The following GRIN3A variants were observed in gnomAD, a reference collection of about 807,000 sequenced individuals.
GRIN3A encodes glutamate receptor ionotropic, NMDA 3A.
Under a neutral mutation model 92.4 loss-of-function variants are expected in GRIN3A, and 47 were observed. The ratio of observed to expected loss-of-function variants is 0.51; its 90% CI spans 0.40 to 0.65. GRIN3A has a LOEUF of 0.65. Ranked by LOEUF, GRIN3A falls within the 30% of genes least tolerant of loss-of-function variation. GRIN3A has a pLI of 0.00. For synonymous variants in GRIN3A, 527 were observed against 540.6 expected (o/e 0.97, Z 0.35); for missense variants, 1,324 against 1,393.1 (o/e 0.95, Z 0.79).
chr9:101,727,095 T>G (rs1194776568), intron 1 of GRIN3A, among the ~76,000 whole-genome samples: 1 of 152,092 alleles, frequency 6.6e-6, no homozygotes, highest in African/African-American at 2.4e-5. Context: ...CTAAGATGAG[T>G]GTAGTAAAAT....
intron 5 of GRIN3A, among the ~76,000 whole-genome samples, chr9:101,614,042 A>G (rs913287956): frequency 6.6e-6 from 1 of 152,232 alleles, no homozygotes; most frequent in African/African-American, 2.4e-5. Context: ...GAACTAAAAT[A>G]TAAACAGGAA....
intron 6 of GRIN3A, among the ~76,000 whole-genome samples, chr9:101,602,331 CA>C (rs1828221900): frequency 6.6e-6 from 1 of 152,200 alleles, no homozygotes; most frequent in South Asian, 2.1e-4. Context: ...CAACTCGCAT[CA>C]ATAGCCACTA....
intron 3 of GRIN3A, among the ~76,000 whole-genome samples, chr9:101,657,838 G>A (rs1256938609): frequency 2.6e-5 from 4 of 151,968 alleles, no homozygotes; most frequent in Admixed American, 2.6e-4. Context: ...AGGGAGTAGT[G>A]ATGGTAATGG....
At chr9:101,582,918 G>C (rs571770666) in intron 6 of GRIN3A, among the ~76,000 whole-genome samples, 1 of 152,058 alleles carries the variant, frequency 6.6e-6, no homozygotes, top group Non-Finnish European at 1.5e-5. Context: ...CAAATAGGCC[G>C]TATTGTTTAT....
intron 1 of GRIN3A, among the ~76,000 whole-genome samples, chr9:101,708,347 A>G (rs1437046352): frequency 6.6e-6 from 1 of 152,174 alleles, no homozygotes; most frequent in Non-Finnish European, 1.5e-5. Flanking sequence ...TACGTCTTTT[A>G]TGTATCTTTT....
chr9:101,644,476 A>C (rs959653296), intron 3 of GRIN3A, among the ~76,000 whole-genome samples: 20 of 151,698 alleles, frequency 1.3e-4, no homozygotes, highest in Non-Finnish European at 2.5e-4. Flanking sequence ...AAAAAAAAAA[A>C]AACACAGTGT....
intron 1 of GRIN3A, among the ~76,000 whole-genome samples, chr9:101,692,374 CTT>C (rs1201668861): frequency 6.6e-6 from 1 of 152,146 alleles, no homozygotes; most frequent in Non-Finnish European, 1.5e-5. Context: ...CCTCATCAGT[CTT>C]TGTTCTCTCA....
At chr9:101,603,342 A>T (rs1298892719) in intron 6 of GRIN3A, among the ~76,000 whole-genome samples, 1 of 152,186 alleles carries the variant, frequency 6.6e-6, no homozygotes, top group East Asian at 1.9e-4. Context: ...TGGTTCTATA[A>T]TCAGGGAAGG....
At chr9:101,585,869 G>T (rs1827944773) in intron 6 of GRIN3A, among the ~76,000 whole-genome samples, 1 of 152,148 alleles carries the variant, frequency 6.6e-6, no homozygotes, top group African/African-American at 2.4e-5. Context: ...GTCTCTTGCG[G>T]AGTAAATTCA....
intron 3 of GRIN3A, among the ~76,000 whole-genome samples, chr9:101,647,604 G>A (rs12351434): frequency 0.089 from 13,470 of 151,884 alleles, 866 homozygotes; most frequent in East Asian, 0.22. Context: ...GTTGAATTCC[G>A]CAGTGAAATT....
At position 101,670,563 on chromosome 9, in the gene GRIN3A, C is replaced by G. The variant is rs774655417; in HGVS notation, c.1849G>C (p.Val617Leu). The change falls in exon 3 of 9, where the codon GTG becomes CTG. Residue 617 changes from valine to leucine, a missense_variant. Val to Leu is a conservative substitution (Grantham distance 32). Coordinates refer to ENST00000361820, the MANE Select transcript of GRIN3A (RefSeq NM_133445.3). The part of the protein sequence containing the change: ...AWKNGHWTGL[V>L]GDLLRGTAHM... ...GCAGTCCCTCTCAGGAGATCACCCA[C>G]TAGCCCAGTCCAGTGCCCATTTTTC... is the stretch of plus-strand genomic sequence containing the variant. 1.9e-6 allele frequency: 3 copies of G among 1,613,948 alleles called. No individual in the cohort carries two copies. The highest frequency in any genetic ancestry group is 1.1e-5 in the South Asian group (1 of 91,090).
rs944987548 is a variant in GRIN3A at position 101,711,719 on chromosome 9, T to G, written c.700-24519A>C. On this transcript the variant is annotated intron_variant, in intron 1 of 8. Transcript: ENST00000361820. ...CCAGGGCAGTGGCGGAATCTAGTGC[T>G]GTCTTTCAAAACTGGAGATAATTGA... Among the ~76,000 whole-genome samples the G allele has an allele frequency of 4.6e-5, 7 of 152,284 alleles. No homozygotes were observed. In the South Asian group the frequency reaches 1.5e-3, roughly 32 times the overall value.
At position 101,670,084 on chromosome 9, in the gene GRIN3A, C is replaced by T; in HGVS notation, c.2328G>A (p.Glu776=). ...CCTTGGGGTCATGTATTCCAGAAAG[C>T]TCTTCATAGATCTTCTCACCTACCA... is the stretch of plus-strand genomic sequence containing the variant. ...AVMVGEKIYE[E]LSGIHDPKLH... The change falls in exon 3 of 9, where the codon GAG becomes GAA. Residue 776 remains glutamate (E), a synonymous_variant. Coordinates refer to ENST00000361820, the MANE Select transcript of GRIN3A (RefSeq NM_133445.3). 6.2e-7 allele frequency: 1 copy of T among 1,613,484 alleles called. No individual in the cohort carries two copies. Among genetic ancestry groups the T allele is most frequent in the Non-Finnish European group, 8.5e-7 (1 of 1,179,570 alleles).
chr9:101,583,830 G>A (rs984173013), intron 6 of GRIN3A, among the ~76,000 whole-genome samples: 2 of 152,084 alleles, frequency 1.3e-5, no homozygotes, highest in African/African-American at 4.8e-5. Flanking sequence ...CAAGGGCCAG[G>A]GAGAGAAGGC....
chr9:101,637,637 T>G (rs550933749), intron 3 of GRIN3A, among the ~76,000 whole-genome samples: 6 of 152,226 alleles, frequency 3.9e-5, no homozygotes, highest in Admixed American at 1.3e-4. Context: ...ATTATATGAT[T>G]TAAACCTCTA....
At chr9:101,706,620 G>A (rs1829818716) in intron 1 of GRIN3A, among the ~76,000 whole-genome samples, 1 of 152,218 alleles carries the variant, frequency 6.6e-6, no homozygotes, top group Non-Finnish European at 1.5e-5. Flanking sequence ...CAGGGAAATA[G>A]TGCCTCCCCT....
chr9:101,670,069 A>G lies in GRIN3A; in HGVS notation c.2343T>C (p.His781=), dbSNP rs759653222. 5 of 1,611,482 alleles carry G rather than the reference A, an allele frequency of 3.1e-6. No homozygotes were observed. The East Asian group carries it at 1.1e-4, about 36-fold the overall frequency. ...TAAAATGAAGTATTACCTTGGGGTCATGTATTCCAGAAAGCTCTTCATAGA... is the reference window on the plus strand; with the variant it reads ...TAAAATGAAGTATTACCTTGGGGTCGTGTATTCCAGAAAGCTCTTCATAGA... ...EKIYEELSGI[H]DPKLHHPSQG... Residue 781 remains histidine, a synonymous_variant, in exon 3 of 9, where the codon CAT becomes CAC. Coordinates refer to ENST00000361820, the MANE Select transcript of GRIN3A (RefSeq NM_133445.3).
At chr9:101,704,406 T>C (rs534999267) in intron 1 of GRIN3A, among the ~76,000 whole-genome samples, 73 of 152,336 alleles carry the variant, frequency 4.8e-4, no homozygotes, top group African/African-American at 1.6e-3. Context: ...AAATATGCAT[T>C]GAATCCCCAC....
intron 3 of GRIN3A, among the ~76,000 whole-genome samples, chr9:101,653,641 A>G (rs991009299): frequency 5.9e-5 from 9 of 151,840 alleles, no homozygotes; most frequent in African/African-American, 1.9e-4. Flanking sequence ...TTTTTCCTGT[A>G]TCTGAGAACT....
Sources: allele counts gnomAD v4.1 joint callset (sites outside exome capture counted in the v4.1 genomes callset), GRCh38; gene constraint gnomAD v4.1.1; transcripts MANE v1.5; gene names NCBI Gene and HGNC (gene_info 2026-07-23, HGNC 2026-07-21).